Variants in PCTP observed in about 807,000 individuals in gnomAD.
PCTP encodes the protein phosphatidylcholine transfer protein, also known as START domain-containing protein 2.
Under a neutral mutation model 31.0 loss-of-function variants are expected in PCTP, and 27 were observed. That is an observed-to-expected ratio of 0.87 (90% CI 0.64 to 1.20). The LOEUF is 1.20. PCTP is among the 50% of genes most tolerant of loss of function. PCTP has a pLI of 0.00. For missense variants in PCTP, 287 were observed against 268.2 expected (o/e 1.07, Z -0.49); for synonymous variants, 108 against 101.2 (o/e 1.07, Z -0.40).
chr17:55,797,612 T>C (rs1912227151), intron 3 of PCTP, among the ~76,000 whole-genome samples: 1 of 151,988 alleles, frequency 6.6e-6, no homozygotes, highest in Non-Finnish European at 1.5e-5. Context: ...TAGTCCTGAC[T>C]CACACTGGGA....
At chr17:55,754,786 G>C (rs1295822345) in intron 1 of PCTP, among the ~76,000 whole-genome samples, 1 of 152,130 alleles carries the variant, frequency 6.6e-6, no homozygotes, top group African/African-American at 2.4e-5. Context: ...ACAAAAGACT[G>C]TAACGAGGGC....
chr17:55,769,610 G>A (rs898262790), intron 2 of PCTP: 2 of 152,222 alleles, frequency 1.3e-5, no homozygotes, highest in African/African-American at 2.4e-5. Flanking sequence ...TCATCCAGTG[G>A]AAGCAGCAGT....
At chr17:55,778,163 G>A (rs1408606717), downstream of PCTP, among the ~76,000 whole-genome samples, 1 of 148,766 alleles carries the variant, frequency 6.7e-6, no homozygotes, top group Admixed American at 6.7e-5. Context: ...ACGAGCTGAG[G>A]TTATGTAGGA....
downstream of PCTP, among the ~76,000 whole-genome samples, chr17:55,846,264 C>T (rs1050821204): frequency 6.6e-6 from 1 of 152,166 alleles, no homozygotes; most frequent in Non-Finnish European, 1.5e-5. Flanking sequence ...ATTCACCCAT[C>T]ATGTACCACC....
intron 1 of PCTP, among the ~76,000 whole-genome samples, chr17:55,764,743 T>C (rs1910545952): frequency 6.6e-6 from 1 of 152,212 alleles, no homozygotes; most frequent in Non-Finnish European, 1.5e-5. Context: ...ATTCCTTGAC[T>C]TCCCCTCAGG....
intron 1 of PCTP, among the ~76,000 whole-genome samples, chr17:55,760,513 C>T (rs143191974): frequency 4.5e-4 from 68 of 152,284 alleles, no homozygotes; most frequent in African/African-American, 1.6e-3. Flanking sequence ...AGATTCTACC[C>T]AGACGGTGAA....
chr17:55,777,390 A>G, downstream of PCTP: 5 of 982,640 alleles, frequency 5.1e-6, no homozygotes, highest in Non-Finnish European at 6.0e-6. Context: ...CCTGTGTACC[A>G]CTTCCTTCCT....
At chr17:55,827,038 CAA>C (rs33976207), downstream of PCTP, among the ~76,000 whole-genome samples, 36,319 of 134,760 alleles carry the variant, frequency 0.27, 4,602 homozygotes, top group East Asian at 0.45. Flanking sequence ...GGTAAACAGC[CAA>C]AAAAAAAAAA....
At chr17:55,785,052 C>T (rs1276450157) in intron 2 of PCTP, among the ~76,000 whole-genome samples, 1 of 152,224 alleles carries the variant, frequency 6.6e-6, no homozygotes, top group Non-Finnish European at 1.5e-5. Flanking sequence ...TTGTGTAATG[C>T]CCTCCTCTGT....
chr17:55,806,005 A>G (rs906320989), intron 3 of PCTP, among the ~76,000 whole-genome samples: 1 of 151,868 alleles, frequency 6.6e-6, no homozygotes, highest in African/African-American at 2.4e-5. Flanking sequence ...TCTCCAAGTG[A>G]TGGGAAACAG....
At chr17:55,808,104 C>T (rs998425093) in intron 3 of PCTP, among the ~76,000 whole-genome samples, 5 of 152,242 alleles carry the variant, frequency 3.3e-5, no homozygotes, top group Admixed American at 3.3e-4. Flanking sequence ...TGAACAACAA[C>T]CTGAGGTAGA....
intron 5 of PCTP, 167 bp from the exon 6 acceptor site, chr17:55,775,868 C>T: frequency 1.4e-6 from 2 of 1,387,362 alleles, no homozygotes; most frequent in Non-Finnish European, 1.9e-6. Context: ...TGTCCTCAGT[C>T]CTACTTTTTG....
rs577486726 is a variant in PCTP, at chr17:55,814,623, GT to G, written c.318-8136del. Among the ~76,000 whole-genome samples, 34 of 152,340 alleles carry G rather than the reference GT, an allele frequency of 2.2e-4. No individual in the cohort carries two copies. In the South Asian group the frequency reaches 5.8e-3, roughly 26 times the overall value. ...ATTGCGTTTGCCTGGAAGGTCAAGG[GT>G]TCAAGAACCACACTAGAAAGTTGGC... On this transcript the variant is annotated intron_variant, in intron 3 of 3. Coordinates refer to the PCTP transcript ENST00000572536.
rs190375855 is a variant in PCTP, at chr17:55,767,155, G to A, written c.142-180G>A. On this transcript the variant is annotated intron_variant, in intron 1 of 5. Coordinates refer to ENST00000268896, the MANE Select transcript of PCTP (RefSeq NM_021213.4). The stretch of plus-strand genomic sequence containing the variant: ...TTGTTGGAGTTCATTGTAGATTCTG[G>A]ATATTAGCCCTTTGTCAGATGAGTA... Among the ~76,000 whole-genome samples, 129 of 152,226 alleles carry A rather than the reference G, an allele frequency of 8.5e-4. 1 individual carries two copies. Among genetic ancestry groups the A allele is most frequent in the Admixed American group, 4.1e-3 (63 of 15,288 alleles).
rs898870694 is a variant in PCTP, at chr17:55,835,185, A to T, written n.506-7542A>T. ...AGAGACTTCAGAGGGAGCATGACCC[A>T]CCAGCACCTCGATTTCAGATTTCCA... On this transcript the variant is annotated intron_variant and non_coding_transcript_variant, in intron 5 of 5. Transcript: ENST00000576221. Among the ~76,000 whole-genome samples the T allele has an allele frequency of 2.6e-5, 4 of 152,166 alleles. No homozygotes were observed. In the South Asian group the frequency reaches 8.3e-4, roughly 32 times the overall value.
At chr17:55,757,606 C>A (rs1046368589) in intron 1 of PCTP, among the ~76,000 whole-genome samples, 1 of 151,910 alleles carries the variant, frequency 6.6e-6, no homozygotes, top group Non-Finnish European at 1.5e-5. Context: ...GAATGTGATC[C>A]ACGTTCTCAT....
chr17:55,772,338 A>C (rs976669922), intron 3 of PCTP, among the ~76,000 whole-genome samples: 1 of 152,090 alleles, frequency 6.6e-6, no homozygotes, highest in African/African-American at 2.4e-5. Flanking sequence ...CTGTAATCCC[A>C]ACACTTTGGG....
chr17:55,832,862 C>A (rs1387050439), intron 5 of PCTP, among the ~76,000 whole-genome samples: 18 of 152,200 alleles, frequency 1.2e-4, no homozygotes, highest in Admixed American at 9.8e-4. Context: ...GCACCCCAAG[C>A]TAAGTTGAGG....
chr17:55,764,278 C>T (rs1910514977), intron 1 of PCTP, among the ~76,000 whole-genome samples: 1 of 152,154 alleles, frequency 6.6e-6, no homozygotes, highest in South Asian at 2.1e-4. Context: ...AACAAGGCCT[C>T]AGTTTTCTTG....
Sources: allele counts gnomAD v4.1 joint callset (sites outside exome capture counted in the v4.1 genomes callset), GRCh38; gene constraint gnomAD v4.1.1; transcripts MANE v1.5; gene names NCBI Gene and HGNC (gene_info 2026-07-23, HGNC 2026-07-21).